COL24A1: variants seen among roughly 807,000 people sequenced by gnomAD.
The protein encoded by COL24A1 is collagen alpha-1(XXIV) chain.
COL24A1 carries 224 observed loss-of-function variants against 253.9 expected under a neutral mutation model. The observed-to-expected ratio is 0.88, with a 90% CI of 0.79 to 0.99. COL24A1 has a LOEUF of 0.99. Among genes scored for constraint, COL24A1 ranks in the 50% least tolerant of loss-of-function variants. The pLI, the probability that COL24A1 is intolerant of heterozygous loss-of-function variation, is 0.00. For synonymous variants in COL24A1, 685 were observed against 673.7 expected, an observed-to-expected ratio of 1.02 and a Z score of -0.26; for missense variants, 2,131 against 2,068.5, an observed-to-expected ratio of 1.03 and a Z score of -0.59.
chr1:86,007,409 G>A (rs1004918539), intron 19 of COL24A1, among the ~76,000 whole-genome samples: 1 of 152,152 alleles, frequency 6.6e-6, no homozygotes, highest in African/African-American at 2.4e-5. Context: ...GGAAGACGGA[G>A]TTTATTACAA....
At position 86,146,128 on chromosome 1, in the gene COL24A1, G is replaced by T; in HGVS notation, c.112C>A (p.Gln38Lys). 1 of 1,610,774 alleles carries T rather than the reference G, an allele frequency of 6.2e-7. No homozygotes were observed. Among genetic ancestry groups the T allele is most frequent in the Non-Finnish European group, 8.5e-7 (1 of 1,178,250 alleles). The change falls in exon 2 of 60, where the codon CAA becomes AAA. Residue 38 changes from glutamine to lysine, a missense_variant. Physicochemically the swap from Gln to Lys is moderately conservative, Grantham distance 53 (BLOSUM62 1). Transcript: ENST00000370571. Reference protein sequence around the residue: ...LCVAGVVVHAQEQGIDILHQL... With the variant: ...LCVAGVVVHAKEQGIDILHQL... ...AAGGTAATTTTCTTACCTTGTTCTT[G>T]TGCATGAACAACCACCCCAGCCACA...
At chr1:86,020,019 C>T (rs1345153531) in intron 18 of COL24A1, among the ~76,000 whole-genome samples, 1 of 151,172 alleles carries the variant, frequency 6.6e-6, no homozygotes, top group Non-Finnish European at 1.5e-5. Context: ...CTATAAGGAA[C>T]CTTACATATG....
intron 46 of COL24A1, among the ~76,000 whole-genome samples, chr1:85,817,448 AT>A (rs947948506): frequency 6.7e-6 from 1 of 148,730 alleles, no homozygotes; most frequent in Non-Finnish European, 1.5e-5. Context: ...CATTTTCTCT[AT>A]TTTTTTTTCA....
At chr1:85,832,829 G>A (rs916809043) in intron 43 of COL24A1, among the ~76,000 whole-genome samples, 8 of 149,330 alleles carry the variant, frequency 5.4e-5, no homozygotes, top group Admixed American at 2.7e-4. Flanking sequence ...ATTTTGGGCC[G>A]AGACAATGGG....
chr1:85,924,716 A>G (rs1228524294), intron 24 of COL24A1, among the ~76,000 whole-genome samples: 2 of 152,242 alleles, frequency 1.3e-5, no homozygotes, highest in Non-Finnish European at 2.9e-5. Context: ...CCAATATCAT[A>G]CTGAATGGGC....
At chr1:86,107,990 T>A (rs755135993) in intron 5 of COL24A1, among the ~76,000 whole-genome samples, 5 of 152,292 alleles carry the variant, frequency 3.3e-5, no homozygotes, top group African/African-American at 1.2e-4. Context: ...TGTAAGTTTT[T>A]AAATCCCTCA....
chr1:85,745,021 C>T (rs1665058652), intron 56 of COL24A1, among the ~76,000 whole-genome samples, 187 bp from the exon 57 acceptor site: 1 of 151,774 alleles, frequency 6.6e-6, no homozygotes, highest in African/African-American at 2.4e-5. Context: ...AGGTTAAATT[C>T]ACATTTGCAA....
chr1:85,805,842 G>A (rs1414111758), intron 47 of COL24A1, among the ~76,000 whole-genome samples: 3 of 152,090 alleles, frequency 2.0e-5, no homozygotes, highest in Non-Finnish European at 2.9e-5. Context: ...TTGGGAGGCC[G>A]AGGTGGGCGG....
chr1:86,032,440 G>T (rs996338885), intron 13 of COL24A1, among the ~76,000 whole-genome samples: 2 of 151,736 alleles, frequency 1.3e-5, no homozygotes, highest in South Asian at 4.2e-4. Context: ...ATATGTAAAG[G>T]CACCATAAAA....
chr1:85,833,231 G>T (rs546769949), intron 43 of COL24A1, among the ~76,000 whole-genome samples: 3 of 152,162 alleles, frequency 2.0e-5, no homozygotes, highest in Non-Finnish European at 2.9e-5. Context: ...CTGACAAAGG[G>T]CTAATATCCA....
chr1:85,885,397 A>ATATATATATAT (rs60994639), intron 32 of COL24A1, among the ~76,000 whole-genome samples: 9 of 128,900 alleles, frequency 7.0e-5, no homozygotes, highest in African/African-American at 2.0e-4. Flanking sequence ...ATATATATAT[A>ATATATATATAT]TTTTTTTTTT....
intron 41 of COL24A1, among the ~76,000 whole-genome samples, chr1:85,841,567 G>A (rs1676619551): frequency 6.6e-6 from 1 of 152,042 alleles, no homozygotes; most frequent in African/African-American, 2.4e-5. Flanking sequence ...TACTGCTGTA[G>A]TTATTCCTAA....
intron 47 of COL24A1, among the ~76,000 whole-genome samples, chr1:85,792,429 G>A (rs1214571523): frequency 6.6e-6 from 1 of 150,578 alleles, no homozygotes; most frequent in African/African-American, 2.4e-5. Flanking sequence ...GCTCATCCCT[G>A]TAACCCCAGC....
chr1:85,888,351 GGA>G (rs1281542997), intron 32 of COL24A1, among the ~76,000 whole-genome samples: 1 of 151,986 alleles, frequency 6.6e-6, no homozygotes, highest in Non-Finnish European at 1.5e-5. Flanking sequence ...TTTGTTCTAA[GGA>G]TAAAAATTAA....
chr1:85,748,768 TGACG>T (rs1665588212), intron 55 of COL24A1, among the ~76,000 whole-genome samples: 1 of 121,646 alleles, frequency 8.2e-6, no homozygotes. Context: ...AAGAAAGGGG[TGACG>T]GACGCACCTG....
At chr1:85,838,506 T>G in intron 43 of COL24A1, 79 bp downstream of exon 43, 2 of 1,275,480 alleles carry the variant, frequency 1.6e-6, no homozygotes, top group Non-Finnish European at 2.3e-6. Flanking sequence ...ATTATCTCAA[T>G]AATGGAATGG....
At chr1:85,876,722 A>C (rs1284991194) in intron 33 of COL24A1, among the ~76,000 whole-genome samples, 1 of 152,242 alleles carries the variant, frequency 6.6e-6, no homozygotes, top group Non-Finnish European at 1.5e-5. Flanking sequence ...TGCTAAAGTT[A>C]CAAACAATGG....
intron 51 of COL24A1, among the ~76,000 whole-genome samples, chr1:85,782,805 C>A (rs1378123722): frequency 6.6e-6 from 1 of 152,134 alleles, no homozygotes; most frequent in Non-Finnish European, 1.5e-5. Flanking sequence ...ACAGCCAAAC[C>A]ATTACTTGAA....
intron 24 of COL24A1, among the ~76,000 whole-genome samples, chr1:85,936,089 T>C (rs1320301121): frequency 1.4e-5 from 2 of 146,464 alleles, no homozygotes; most frequent in Admixed American, 6.9e-5. Flanking sequence ...AAAATCAAAG[T>C]GACCAAATTC....
Sources: allele counts gnomAD v4.1 joint callset (sites outside exome capture counted in the v4.1 genomes callset), GRCh38; gene constraint gnomAD v4.1.1; transcripts MANE v1.5; gene names NCBI Gene and HGNC (gene_info 2026-07-23, HGNC 2026-07-21).